The following MBNL1 variants were observed in gnomAD, a reference collection of about 807,000 sequenced individuals.
MBNL1 encodes muscleblind-like protein 1.
A neutral mutation model predicts 42.2 loss-of-function variants in MBNL1; 8 were observed. That is an observed-to-expected ratio of 0.19 (90% CI 0.11 to 0.34). The LOEUF is 0.34. Among genes scored for constraint, MBNL1 ranks in the 10% least tolerant of loss-of-function variants. MBNL1 has a pLI of 1.00. For missense variants in MBNL1, 309 were observed against 495.3 expected (o/e 0.62, Z 3.57); for synonymous variants, 169 against 173.9 (o/e 0.97, Z 0.22).
chr3:152,373,702 C>T (rs1017550456), intron 2 of MBNL1, among the ~76,000 whole-genome samples: 23 of 152,146 alleles, frequency 1.5e-4, no homozygotes, highest in African/African-American at 5.6e-4. Context: ...GCAGAAATCA[C>T]CCACTTTCTG....
At chr3:152,273,753 G>A (rs189992089) in intron 1 of MBNL1, among the ~76,000 whole-genome samples, 2 of 152,176 alleles carry the variant, frequency 1.3e-5, no homozygotes. Context: ...ATGCTCATAT[G>A]CTCCAAAAGA....
chr3:152,399,890 T>C (rs111806350), intron 2 of MBNL1, among the ~76,000 whole-genome samples: 154 of 152,328 alleles, frequency 1.0e-3, no homozygotes, highest in African/African-American at 3.6e-3. Context: ...AATCATTTGT[T>C]GTATCTGAAA....
intron 5 of MBNL1, chr3:152,446,767 C>G: frequency 1.2e-6 from 2 of 1,610,282 alleles, no homozygotes; most frequent in Non-Finnish European, 1.7e-6. Flanking sequence ...GGTACTATGA[C>G]CTTTCACCTT....
chr3:152,303,762 A>G (rs1400136107), intron 2 of MBNL1, among the ~76,000 whole-genome samples: 1 of 152,126 alleles, frequency 6.6e-6, no homozygotes, highest in East Asian at 1.9e-4. Flanking sequence ...GATCAACAGA[A>G]ATAGACTTAT....
intron 2 of MBNL1, among the ~76,000 whole-genome samples, chr3:152,413,386 A>T (rs1350988908): frequency 6.6e-6 from 1 of 152,198 alleles, no homozygotes; most frequent in African/African-American, 2.4e-5. Flanking sequence ...GGCTTACAGA[A>T]GTTAGCTCCT....
intron 2 of MBNL1, among the ~76,000 whole-genome samples, chr3:152,318,050 G>A (rs1468405625): frequency 6.6e-6 from 1 of 152,170 alleles, no homozygotes; most frequent in Non-Finnish European, 1.5e-5. Context: ...TGGGTGTGTT[G>A]TTACAGGATA....
At chr3:152,317,442 C>G (rs1234765032) in intron 2 of MBNL1, among the ~76,000 whole-genome samples, 1 of 152,070 alleles carries the variant, frequency 6.6e-6, no homozygotes, top group Non-Finnish European at 1.5e-5. Context: ...GCCTCAATCT[C>G]CTGAGTATCT....
chr3:152,434,128 T>G (rs1282627850), intron 4 of MBNL1, among the ~76,000 whole-genome samples: 1 of 152,164 alleles, frequency 6.6e-6, no homozygotes, highest in East Asian at 1.9e-4. Context: ...GAGGGTTTGG[T>G]GTAGAGATTA....
chr3:152,343,289 C>T (rs2093663482), intron 2 of MBNL1, among the ~76,000 whole-genome samples: 1 of 152,088 alleles, frequency 6.6e-6, no homozygotes, highest in Non-Finnish European at 1.5e-5. Context: ...AGAACCCAAA[C>T]CAACGGTTGG....
intron 2 of MBNL1, among the ~76,000 whole-genome samples, chr3:152,357,538 G>A (rs2095619400): frequency 6.6e-6 from 1 of 152,162 alleles, no homozygotes; most frequent in Admixed American, 6.5e-5. Context: ...GTGGGTGTGG[G>A]CAGGAATGGT....
chr3:152,417,659 T>C (rs138974414), intron 3 of MBNL1, among the ~76,000 whole-genome samples: 235 of 152,162 alleles, frequency 1.5e-3, no homozygotes, highest in African/African-American at 5.4e-3. Flanking sequence ...GATCAATAAT[T>C]ACTTGATGAG....
At chr3:152,326,641 CAG>C (rs1259979054) in intron 2 of MBNL1, among the ~76,000 whole-genome samples, 34 of 151,700 alleles carry the variant, frequency 2.2e-4, no homozygotes, top group Admixed American at 5.9e-4. Context: ...TAGTTTATAT[CAG>C]AAAAAGGGAA....
chr3:152,406,267 G>GA (rs1207997889), intron 2 of MBNL1, among the ~76,000 whole-genome samples: 3 of 151,888 alleles, frequency 2.0e-5, no homozygotes, highest in Non-Finnish European at 4.4e-5. Flanking sequence ...CCATAGGTAT[G>GA]AAAAAAAAGT....
chr3:152,331,623 C>T lies in MBNL1; in HGVS notation c.174+31256C>T, dbSNP rs148904581. 3.1e-3 allele frequency among the ~76,000 whole-genome samples: 465 copies of T among 151,994 alleles called. 1 individual carries two copies. Among genetic ancestry groups the T allele is most frequent in the Non-Finnish European group, 5.2e-3 (353 of 67,974 alleles). The stretch of plus-strand genomic sequence containing the variant: ...GTCCAAGGAATTAAATAAAAGGAAG[C>T]GGACCCAGTAAGGGTTGATGAATAA... On this transcript the variant is annotated intron_variant, in intron 2 of 9. Coordinates refer to ENST00000324210, the MANE Select transcript of MBNL1 (RefSeq NM_021038.5).
chr3:152,250,503 C>G (rs2034329164), intron 2 of MBNL1, among the ~76,000 whole-genome samples: 1 of 152,104 alleles, frequency 6.6e-6, no homozygotes, highest in African/African-American at 2.4e-5. Context: ...TGCTTATCAG[C>G]TTAAGGAGAT....
At chr3:152,454,044 T>C (rs1728779437) in intron 6 of MBNL1, among the ~76,000 whole-genome samples, 1 of 152,102 alleles carries the variant, frequency 6.6e-6, no homozygotes, top group African/African-American at 2.4e-5. Flanking sequence ...TTTTGCTTGC[T>C]CTACTGTCTC....
At chr3:152,280,547 C>T (rs1465124390) in intron 1 of MBNL1, among the ~76,000 whole-genome samples, 3 of 152,116 alleles carry the variant, frequency 2.0e-5, no homozygotes, top group South Asian at 4.1e-4. Context: ...GAATCTTCCT[C>T]ATGCTAAATT....
chr3:152,436,562 G>A (rs2099080943), intron 4 of MBNL1, among the ~76,000 whole-genome samples: 1 of 152,170 alleles, frequency 6.6e-6, no homozygotes, highest in Admixed American at 6.5e-5. Context: ...AGTTCTTAAT[G>A]CATAATTGTT....
chr3:152,314,606 C>T (rs1577673857), intron 2 of MBNL1, among the ~76,000 whole-genome samples: 3 of 152,272 alleles, frequency 2.0e-5, no homozygotes, highest in Admixed American at 2.0e-4. Context: ...AACTTCCAAC[C>T]TCAGGCGATC....
Sources: gnomAD v4.1 joint callset for allele counts (sites outside exome capture counted in the v4.1 genomes callset) on GRCh38, gnomAD v4.1.1 for gene constraint, MANE v1.5 for transcripts, NCBI Gene and HGNC (gene_info 2026-07-23, HGNC 2026-07-21) for gene names.